PITPNB: variants seen among roughly 807,000 people sequenced by gnomAD.
PITPNB encodes the protein phosphatidylinositol transfer protein beta isoform.
Under a neutral mutation model 45.9 loss-of-function variants are expected in PITPNB, and 16 were observed. The ratio of observed to expected loss-of-function variants is 0.35; its 90% confidence interval spans 0.24 to 0.53. The LOEUF (loss-of-function observed/expected upper bound fraction) is 0.53, where lower values mean the gene tolerates loss of function less well. PITPNB is among the 20% of genes least tolerant of loss of function. The probability of loss-of-function intolerance (pLI) is 0.93; values close to 1 mark genes in which losing one functional copy is unlikely to be tolerated. For missense variants in PITPNB, 188 were observed against 330.5 expected, an observed-to-expected ratio of 0.57 and a Z score of 3.34; for synonymous variants, 112 against 108.9, an observed-to-expected ratio of 1.03 and a Z score of -0.18.
intron 3 of PITPNB, among the ~76,000 whole-genome samples, chr22:27,898,533 T>C (rs1278480930): frequency 6.6e-6 from 1 of 151,828 alleles, no homozygotes; most frequent in South Asian, 2.1e-4. Context: ...ATTAATACAA[T>C]GTAGTTCTTA....
chr22:27,895,470 G>A (rs1464389267), intron 6 of PITPNB, among the ~76,000 whole-genome samples: 1 of 151,750 alleles, frequency 6.6e-6, no homozygotes, highest in East Asian at 1.9e-4. Flanking sequence ...CATGCCTGCA[G>A]TCCCAGCTAC....
At position 27,881,595 on chromosome 22, in the gene PITPNB, C is replaced by T. The variant is rs1051801617; in HGVS notation, c.457-7780G>A. On this transcript the variant is annotated intron_variant, in intron 7 of 11. Coordinates refer to ENST00000335272, the MANE Select transcript of PITPNB (RefSeq NM_012399.5). ...CCGGCTAGGACTGGCTGGATCTCAG[C>T]CACAGACTTCTAATAAACAAAAGCT... Among the ~76,000 whole-genome samples, 23 of 152,172 alleles carry T rather than the reference C, an allele frequency of 1.5e-4. 1 individual carries two copies. Among genetic ancestry groups the T allele is most frequent in the East Asian group, 5.8e-4 (3 of 5,196 alleles).
At chr22:27,905,343 T>G (rs1935726109) in intron 3 of PITPNB, among the ~76,000 whole-genome samples, 1 of 152,094 alleles carries the variant, frequency 6.6e-6, no homozygotes, top group East Asian at 1.9e-4. Flanking sequence ...AGAGACGGGG[T>G]TTCACCATGT....
At chr22:27,908,536 AT>A in intron 3 of PITPNB, among the ~76,000 whole-genome samples, 1 of 152,032 alleles carries the variant, frequency 6.6e-6, no homozygotes, top group Non-Finnish European at 1.5e-5. Flanking sequence ...TCAGAGGCCA[AT>A]AAAAAATTTT....
chr22:27,862,410 A>G (rs916114447), intron 8 of PITPNB, among the ~76,000 whole-genome samples: 1 of 152,142 alleles, frequency 6.6e-6, no homozygotes, highest in Non-Finnish European at 1.5e-5. Flanking sequence ...GTCCTACATG[A>G]TTGATCAACT....
chr22:27,853,637 T>TC lies in PITPNB; in HGVS notation c.*64dup. The TC allele has an allele frequency of 1.3e-6, 2 of 1,550,986 alleles. No homozygotes were observed. The highest frequency in any genetic ancestry group is 1.7e-6 in the Non-Finnish European group (2 of 1,146,944). ...TTCACTCATCACTGGCTGCGCTTGT[T>TC]CCCCTCACTTGACCTTGATTACGTA... On this transcript the variant is annotated 3_prime_UTR_variant, in exon 12 of 12. Transcript: ENST00000335272.
In PITPNB at chr22:27,854,835, T is replaced by A; in HGVS notation, c.*38+19A>T. 6.5e-7 allele frequency: 1 copy of A among 1,528,494 alleles called. No individual in the cohort carries two copies. Among genetic ancestry groups the A allele is most frequent in the Non-Finnish European group, 9.0e-7 (1 of 1,105,850 alleles). 94.7% of individuals were successfully genotyped at this position (1,528,494 alleles called of 1,614,324 possible). ...AGGTACAGGTTTCGAAACATCTTTT[T>A]ACCCAGGTCTTCACTTACACAGTTT... On this transcript the variant is annotated intron_variant, in intron 11 of 11. Transcript: ENST00000335272.
Position 27,858,536 on chromosome 22 carries a change from C to T in PITPNB, c.646-27G>A, listed in dbSNP as rs1303531923. ...TTTTAAAACAACAACAAAAAAGTAG[C>T]ATAAGATGACAAAAACCTAAGATTA... On this transcript the variant is annotated intron_variant, in intron 9 of 11. Transcript: ENST00000335272. 3.8e-6 allele frequency: 6 copies of T among 1,582,624 alleles called. No homozygotes were observed. In the South Asian group the frequency reaches 5.7e-5, roughly 15 times the overall value.
intron 2 of PITPNB, 79 bp downstream of exon 2, chr22:27,914,238 C>G: frequency 2.3e-6 from 2 of 860,676 alleles, no homozygotes; most frequent in Non-Finnish European, 3.9e-6. Context: ...ATCAATACTA[C>G]GAAAATGTGA....
intron 8 of PITPNB, among the ~76,000 whole-genome samples, chr22:27,872,187 G>A (rs1046375962): frequency 6.3e-5 from 9 of 142,494 alleles, no homozygotes; most frequent in South Asian, 2.3e-4. Flanking sequence ...TCTACCTCCC[G>A]GGTTCAAGTG....
intron 8 of PITPNB, among the ~76,000 whole-genome samples, chr22:27,871,367 A>G (rs9620745): frequency 0.041 from 6,297 of 152,314 alleles, 200 homozygotes; most frequent in South Asian, 0.11. Context: ...TGAAAAGCTA[A>G]TAATTTCAAG....
intron 7 of PITPNB, 94 bp downstream of exon 7, chr22:27,894,461 A>C: frequency 1.4e-6 from 1 of 729,470 alleles, no homozygotes; most frequent in South Asian, 1.6e-5. Context: ...GAAAGAAAGG[A>C]AATAATTTTT....
intron 8 of PITPNB, 117 bp from the exon 9 acceptor site, chr22:27,860,358 G>T: frequency 1.6e-6 from 1 of 606,974 alleles, no homozygotes. Flanking sequence ...AATCTCATGT[G>T]TTTAATTCAG....
Position 27,858,432 on chromosome 22 carries a change from T to C in PITPNB, c.723A>G (p.Glu241=), listed in dbSNP as rs2146346744. Residue 241 remains glutamate (E), a synonymous_variant, in exon 10 of 12, where the codon GAA becomes GAG. Transcript: ENST00000335272. ...TCTCGTCTTCCATTCTCCTAATGTC[T>C]TCCATCGTGAGATCGATCCACTTGT... ...WIDKWIDLTM[E]DIRRMEDETQ... is the part of the protein sequence containing the mutation. The C allele has an allele frequency of 1.2e-6, 2 of 1,609,974 alleles. No homozygotes were observed. Among genetic ancestry groups the C allele is most frequent in the South Asian group, 2.2e-5 (2 of 90,782 alleles).
chr22:27,879,076 T>G (rs971639634), intron 7 of PITPNB, among the ~76,000 whole-genome samples: 2 of 152,072 alleles, frequency 1.3e-5, no homozygotes, highest in African/African-American at 4.8e-5. Context: ...AGACCCTCCA[T>G]AGAGTCCTGA....
At chr22:27,917,385 C>G (rs1052073382) in intron 1 of PITPNB, among the ~76,000 whole-genome samples, 1 of 152,236 alleles carries the variant, frequency 6.6e-6, no homozygotes, top group African/African-American at 2.4e-5. Flanking sequence ...TTCTGCAACT[C>G]ACTTGCTGTG....
chr22:27,860,734 C>T (rs1934303073), intron 8 of PITPNB: 1 of 153,126 alleles, frequency 6.5e-6, no homozygotes, highest in Admixed American at 6.5e-5. Flanking sequence ...AGTGATGCAA[C>T]AGCAAAAATA....
At chr22:27,871,617 C>T (rs1427572931) in intron 8 of PITPNB, among the ~76,000 whole-genome samples, 1 of 152,154 alleles carries the variant, frequency 6.6e-6, no homozygotes, top group Non-Finnish European at 1.5e-5. Context: ...AAGTCTGAAG[C>T]TAGAAATCTG....
At chr22:27,881,983 T>C (rs1366956186) in intron 7 of PITPNB, among the ~76,000 whole-genome samples, 1 of 152,098 alleles carries the variant, frequency 6.6e-6, no homozygotes, top group Non-Finnish European at 1.5e-5. Context: ...ATTTAGAGAG[T>C]GCAATGACGA....
Sources: allele counts gnomAD v4.1 joint callset (sites outside exome capture counted in the v4.1 genomes callset), GRCh38; gene constraint gnomAD v4.1.1; transcripts MANE v1.5; gene names NCBI Gene and HGNC (gene_info 2026-07-23, HGNC 2026-07-21).